FCRLA: variants seen among roughly 807,000 people sequenced by gnomAD.
The protein encoded by FCRLA is Fc receptor like A, also known as Fc receptor-like A.
FCRLA carries 26 observed loss-of-function variants against 28.4 expected under a neutral mutation model. That is an observed-to-expected ratio of 0.91 (90% CI 0.67 to 1.27). The LOEUF is 1.27. FCRLA is among the 50% of genes most tolerant of loss of function. The probability of loss-of-function intolerance (pLI) is 0.00; values close to 1 mark genes in which losing one functional copy is unlikely to be tolerated. For missense variants in FCRLA, 422 were observed against 433.1 expected, an observed-to-expected ratio of 0.97 and a Z score of 0.23; for synonymous variants, 174 against 168.5, an observed-to-expected ratio of 1.03 and a Z score of -0.25.
At position 161,707,245 on chromosome 1, in the gene FCRLA, G is replaced by A. The variant is rs1429020920; in HGVS notation, c.-20G>A. 6.2e-7 allele frequency: 1 copy of A among 1,614,068 alleles called. No homozygotes were observed. Among genetic ancestry groups the A allele is most frequent in the South Asian group, 1.1e-5 (1 of 91,084 alleles). On this transcript the variant is annotated 5_prime_UTR_variant, in exon 1 of 5. Transcript: ENST00000236938. ...AAGAAAATCAGTGTTGGGGTTGCAG[G>A]AGACCTAAACACAGTCACCATGAAG...
chr1:161,711,489 C>A lies in FCRLA; in HGVS notation c.499+15C>A, dbSNP rs746882382. 6.2e-7 allele frequency: 1 copy of A among 1,603,930 alleles called. No individual in the cohort carries two copies. ...CACAGTCCAAGGTGAGAGCTAGAAG[C>A]AGCATTGTCATGGCAGGGGAGGGTA... On this transcript the variant is annotated intron_variant, in intron 3 of 4. Coordinates refer to ENST00000236938, the MANE Select transcript of FCRLA (RefSeq NM_032738.4).
chr1:161,712,133 T>A lies in FCRLA; in HGVS notation c.699T>A (p.Asp233Glu). The A allele has an allele frequency of 6.2e-7, 1 of 1,614,130 alleles. No homozygotes were observed. ...SEFQIPTASE[D>E]HSGSYWCEAA... ...TCCAGATCCCCACAGCTTCAGAAGA[T>A]CACTCCGGGTCATACTGGTGTGAGG... is the stretch of plus-strand genomic sequence containing the variant. Residue 233 changes from aspartate (D) to glutamate (E), a missense_variant, in exon 4 of 5, where the codon GAT becomes GAA. This residue lies in a region of FCRLA where 185 missense variants were observed against 198.1 expected (regional missense o/e 0.93). Transcript: ENST00000236938.
At chr1:161,708,464 A>G (rs12135523) in intron 1 of FCRLA, among the ~76,000 whole-genome samples, 62,378 of 152,076 alleles carry the variant, frequency 0.41, 15,078 homozygotes, top group Non-Finnish European at 0.55. Context: ...TCTTGAAATG[A>G]ATTCTGTACC....
intron 1 of FCRLA, chr1:161,710,424 GC>G: frequency 6.6e-7 from 1 of 1,523,956 alleles, no homozygotes; most frequent in Non-Finnish European, 8.9e-7. Flanking sequence ...CCTGTCCTAT[GC>G]CTCCCTGCTT....
At chr1:161,708,022 T>C (rs1249842361) in intron 1 of FCRLA, among the ~76,000 whole-genome samples, 1 of 152,210 alleles carries the variant, frequency 6.6e-6, no homozygotes, top group Non-Finnish European at 1.5e-5. Flanking sequence ...TAACTCTGTA[T>C]TTAAGAGTCC....
At chr1:161,712,418 C>T (rs986592913) in intron 4 of FCRLA, among the ~76,000 whole-genome samples, 200 bp downstream of exon 4, 2 of 152,202 alleles carry the variant, frequency 1.3e-5, no homozygotes, top group South Asian at 2.1e-4. Context: ...CTGTGGTGCA[C>T]ACCTCACCAG....
In FCRLA at chr1:161,711,421, G is replaced by T; in HGVS notation, c.446G>T (p.Ser149Ile). The T allele has an allele frequency of 6.2e-7, 1 of 1,614,242 alleles. No individual in the cohort carries two copies. Among genetic ancestry groups the T allele is most frequent in the Non-Finnish European group, 8.5e-7 (1 of 1,180,034 alleles). Reference protein sequence around the residue: ...GHYHCSGIFQSPGPGIPETAS... With the variant: ...GHYHCSGIFQIPGPGIPETAS... ...TACCACTGCAGTGGCATCTTCCAGA[G>T]CCCTGGTCCTGGGATCCCAGAAACA... The change falls in exon 3 of 5, where the codon AGC (serine) becomes ATC (isoleucine). Residue 149 changes from serine to isoleucine, a missense_variant. Coordinates refer to ENST00000236938, the MANE Select transcript of FCRLA (RefSeq NM_032738.4).
At chr1:161,711,145 A>G in intron 2 of FCRLA, 63 bp from the exon 3 acceptor site, 6 of 1,553,406 alleles carry the variant, frequency 3.9e-6, no homozygotes, top group Non-Finnish European at 4.4e-6. Context: ...GGGAGTAGGC[A>G]TGCTTGGGGG....
intron 2 of FCRLA, 62 bp downstream of exon 2, chr1:161,710,974 C>A: frequency 6.3e-7 from 1 of 1,596,256 alleles, no homozygotes; most frequent in Non-Finnish European, 8.6e-7. Context: ...CAGAGCCCAC[C>A]CAGGAAAGTG....
chr1:161,712,058 C>T lies in FCRLA; in HGVS notation c.624C>T (p.Ser208=), dbSNP rs4301614. 0.053 allele frequency: 85,846 copies of T among 1,614,146 alleles called. 2,538 individuals carry two copies. Among genetic ancestry groups the T allele is most frequent in the East Asian group, 0.065 (2,896 of 44,870 alleles). Residue 208 remains serine (S), a synonymous_variant, in exon 4 of 5, where the codon TCC becomes TCT. Transcript: ENST00000236938. ...LQRSAARLLF[S]FYKDGRIVQS... is the part of the protein sequence containing the mutation. Reference sequence around the variant, plus strand: ...GGTCAGCTGCCCGCCTCCTCTTCTCCTTCTACAAGGATGGAAGGATAGTGC... The same window carrying T: ...GGTCAGCTGCCCGCCTCCTCTTCTCTTTCTACAAGGATGGAAGGATAGTGC...
rs116189594 is a variant in FCRLA, at chr1:161,713,072, C to T, written c.785-13C>T. ...ACTTCACTCTTGTATGTGCCTCCTG[C>T]CCCATAATTCAGGTGCTTCCAGCTC... On this transcript the variant is annotated splice_polypyrimidine_tract_variant and intron_variant, in intron 4 of 4. Coordinates refer to ENST00000236938, the MANE Select transcript of FCRLA (RefSeq NM_032738.4). 2,374 of 1,605,286 alleles carry T rather than the reference C, an allele frequency of 1.5e-3. 33 individuals carry two copies. In the African/African-American group the frequency reaches 0.027, roughly 18 times the overall value.
chr1:161,708,439 G>A (rs143107084), intron 1 of FCRLA, among the ~76,000 whole-genome samples: 81 of 152,142 alleles, frequency 5.3e-4, no homozygotes, highest in African/African-American at 1.8e-3. Context: ...TAATCTCCTC[G>A]TCCAAACCTT....
chr1:161,711,715 T>A, intron 3 of FCRLA: 2 of 739,962 alleles, frequency 2.7e-6, no homozygotes, highest in Non-Finnish European at 4.4e-6. Context: ...TGCTCACTGA[T>A]TGGGTGTCTG....
chr1:161,713,170 T>C lies in FCRLA; in HGVS notation c.870T>C (p.Pro290=), dbSNP rs1444228406. ...CAGGAACTGCTCCTGAGGAGGCCCC[T>C]GGGCCTCTGCCTCCGCCGCCAACCC... ...AAPGTAPEEA[P]GPLPPPPTPS... Residue 290 remains proline, a synonymous_variant, in exon 5 of 5, where the codon CCT becomes CCC. Coordinates refer to ENST00000236938, the MANE Select transcript of FCRLA (RefSeq NM_032738.4). 18 of 1,614,082 alleles carry C rather than the reference T, an allele frequency of 1.1e-5. No homozygotes were observed. In the African/African-American group the frequency reaches 1.5e-4, roughly 13 times the overall value.
chr1:161,711,485 G>A lies in FCRLA; in HGVS notation c.499+11G>A, dbSNP rs1322866726. On this transcript the variant is annotated intron_variant, in intron 3 of 4. Transcript: ENST00000236938. ...CTATCACAGTCCAAGGTGAGAGCTA[G>A]AAGCAGCATTGTCATGGCAGGGGAG... The A allele has an allele frequency of 3.1e-6, 5 of 1,606,756 alleles. No individual in the cohort carries two copies. The highest frequency in any genetic ancestry group is 2.2e-5 in the East Asian group (1 of 44,730).
At chr1:161,711,081 C>T in intron 2 of FCRLA, 127 bp from the exon 3 acceptor site, 1 of 1,445,482 alleles carries the variant, frequency 6.9e-7, no homozygotes, top group Non-Finnish European at 9.3e-7. Flanking sequence ...GGGAAGTTGT[C>T]CCATACTCCC....
rs765507997 is a variant in FCRLA, at chr1:161,711,951, A to G, written c.517A>G (p.Ile173Val). ...TTTCCCAGAACTGTTTCCAGCGCCA[A>G]TTCTCAGAGCTGTACCCTCAGCTGA... Reference protein sequence around the residue: ...ITVQELFPAPILRAVPSAEPQ... With the variant: ...ITVQELFPAPVLRAVPSAEPQ... The change falls in exon 4 of 5, where the codon ATT becomes GTT. Residue 173 changes from isoleucine (I) to valine (V), a missense_variant. Ile to Val is a conservative substitution (Grantham distance 29). This residue lies in a region of FCRLA where 231 missense variants were observed against 214.6 expected (regional missense o/e 1.08). Coordinates refer to ENST00000236938, the MANE Select transcript of FCRLA (RefSeq NM_032738.4). The G allele has an allele frequency of 1.6e-5, 25 of 1,610,452 alleles. No homozygotes were observed. Among genetic ancestry groups the G allele is most frequent in the Non-Finnish European group, 2.0e-5 (24 of 1,178,068 alleles).
intron 3 of FCRLA, 133 bp downstream of exon 3, chr1:161,711,607 G>C: frequency 8.3e-7 from 1 of 1,211,770 alleles, no homozygotes; most frequent in Non-Finnish European, 1.1e-6. Context: ...AAATGCCCAA[G>C]TTGGGCTTCG....
In FCRLA at chr1:161,711,701, C is replaced by T. The variant is rs1487791515; in HGVS notation, c.499+227C>T. 9.7e-6 allele frequency: 7 copies of T among 722,578 alleles called. No individual in the cohort carries two copies. In the African/African-American group the frequency reaches 1.2e-4, roughly 13 times the overall value. The allele number at this position is 722,578 out of a possible 1,614,324, so 44.8% of individuals were successfully genotyped here. ...TTCCTACCACCCAGATCTATGCTTC[C>T]TAGTGCTCACTGATTGGGTGTCTGG... On this transcript the variant is annotated intron_variant, in intron 3 of 4. Transcript: ENST00000236938.
Sources: gnomAD v4.1 joint callset for allele counts (sites outside exome capture counted in the v4.1 genomes callset) on GRCh38, gnomAD v4.1.1 for gene constraint, gnomAD v4.1.1 regional missense constraint, MANE v1.5 for transcripts, NCBI Gene and HGNC (gene_info 2026-07-23, HGNC 2026-07-21) for gene names.